Variants in ZFAT observed in about 807,000 individuals in gnomAD.
ZFAT encodes the protein zinc finger and AT-hook domain containing, also known as zinc finger protein ZFAT.
Under a neutral mutation model 117.7 loss-of-function variants are expected in ZFAT, and 64 were observed. The observed-to-expected ratio is 0.54, with a 90% CI of 0.44 to 0.67. The LOEUF is 0.67. Ranked by LOEUF, ZFAT falls within the 30% of genes least tolerant of loss-of-function variation. The pLI, the probability that ZFAT is intolerant of heterozygous loss-of-function variation, is 0.00. For missense variants in ZFAT, 1,433 were observed against 1,584.5 expected, an observed-to-expected ratio of 0.90 and a Z score of 1.62; for synonymous variants, 679 against 615.0, an observed-to-expected ratio of 1.10 and a Z score of -1.54.
chr8:134,727,305 T>C, the ZFAT span, among the ~76,000 whole-genome samples: 1 of 152,036 alleles, frequency 6.6e-6, no homozygotes, highest in Non-Finnish European at 1.5e-5. Flanking sequence ...GAGAGAAAAG[T>C]GATCTAGATG....
At chr8:134,516,942 A>G (rs1820294762) in intron 13 of ZFAT, among the ~76,000 whole-genome samples, 2 of 152,234 alleles carry the variant, frequency 1.3e-5, no homozygotes, top group South Asian at 2.1e-4. Flanking sequence ...TTGATTCTCT[A>G]ACATTCTACA....
intron 3 of ZFAT, among the ~76,000 whole-genome samples, chr8:134,634,509 C>T (rs1830088273): frequency 8.1e-6 from 1 of 122,824 alleles, no homozygotes; most frequent in South Asian, 2.7e-4. Flanking sequence ...TATTAACACA[C>T]TTTCCAACCC....
At chr8:134,665,839 C>T (rs1357712192) in intron 1 of ZFAT, among the ~76,000 whole-genome samples, 2 of 152,156 alleles carry the variant, frequency 1.3e-5, no homozygotes, top group South Asian at 2.1e-4. Context: ...AGCCCTGTGC[C>T]CCTCCATACC....
the ZFAT span, chr8:134,796,814 C>A: frequency 6.6e-6 from 1 of 152,116 alleles, no homozygotes; most frequent in Non-Finnish European, 1.5e-5. Context: ...TATATGTATG[C>A]AAGCATGTAT....
intron 10 of ZFAT, among the ~76,000 whole-genome samples, chr8:134,582,938 G>C (rs1030071202): frequency 6.6e-6 from 1 of 152,156 alleles, no homozygotes; most frequent in Non-Finnish European, 1.5e-5. Context: ...CATTTATAAA[G>C]TTTATTAATC....
chr8:134,725,891 C>T, the ZFAT span, among the ~76,000 whole-genome samples: 249 of 152,256 alleles, frequency 1.6e-3, no homozygotes, highest in African/African-American at 5.6e-3. Flanking sequence ...CAGTAATTAC[C>T]GTGTGGCGGT....
chr8:134,776,277 G>C, the ZFAT span, among the ~76,000 whole-genome samples: 1 of 152,088 alleles, frequency 6.6e-6, no homozygotes, highest in African/African-American at 2.4e-5. Context: ...TATTTTACTT[G>C]CTCATTTTCA....
At chr8:134,732,272 C>T in the ZFAT span, among the ~76,000 whole-genome samples, 2 of 152,186 alleles carry the variant, frequency 1.3e-5, no homozygotes, top group Non-Finnish European at 2.9e-5. Context: ...GCCCGCTCTG[C>T]AGGTTTTTTA....
the ZFAT span, chr8:134,785,366 T>C: frequency 6.6e-6 from 1 of 152,144 alleles, no homozygotes; most frequent in Admixed American, 6.6e-5. Flanking sequence ...GTTTCTAGTT[T>C]TAATATAGTC....
intron 12 of ZFAT, among the ~76,000 whole-genome samples, chr8:134,531,706 G>T (rs1020736987): frequency 6.6e-6 from 1 of 152,122 alleles, no homozygotes; most frequent in Admixed American, 6.5e-5. Flanking sequence ...GAAAACGAAG[G>T]CACATGCTCG....
At chr8:134,728,561 G>A in the ZFAT span, among the ~76,000 whole-genome samples, 1 of 152,182 alleles carries the variant, frequency 6.6e-6, no homozygotes, top group African/African-American at 2.4e-5. Flanking sequence ...GAGGGTGTGA[G>A]CATGCTGGGC....
the ZFAT span, among the ~76,000 whole-genome samples, chr8:134,783,310 G>A: frequency 2.6e-5 from 4 of 152,164 alleles, no homozygotes; most frequent in Admixed American, 1.3e-4. Flanking sequence ...AGCACAGCAG[G>A]TGACTGATGG....
At chr8:134,501,031 A>G (rs754718947) in intron 15 of ZFAT, among the ~76,000 whole-genome samples, 5 of 152,230 alleles carry the variant, frequency 3.3e-5, no homozygotes, top group Non-Finnish European at 5.9e-5. Context: ...GTGCAGCTGA[A>G]AAGTGGTTGT....
At chr8:134,541,546 A>G (rs1047132966) in intron 11 of ZFAT, among the ~76,000 whole-genome samples, 23 of 152,220 alleles carry the variant, frequency 1.5e-4, no homozygotes, top group Admixed American at 1.2e-3. Context: ...TAAGCAACAG[A>G]AAATGGACTA....
chr8:134,562,767 T>A (rs1440006038), intron 11 of ZFAT, among the ~76,000 whole-genome samples: 1 of 152,124 alleles, frequency 6.6e-6, no homozygotes, highest in African/African-American at 2.4e-5. Context: ...CATATGTGAG[T>A]GATTCCTTAA....
intron 6 of ZFAT, among the ~76,000 whole-genome samples, 156 bp downstream of exon 6, chr8:134,601,304 CAAGACTCCAAGCGCTAA>C (rs1827432732): frequency 6.6e-6 from 1 of 152,214 alleles, no homozygotes. Context: ...GCCACCTCCA[CAAGACTCCAAGCGCTAA>C]CGGCCACACA....
chr8:134,483,047 G>A (rs1412204952), intron 15 of ZFAT, among the ~76,000 whole-genome samples: 2 of 152,182 alleles, frequency 1.3e-5, no homozygotes, highest in Non-Finnish European at 2.9e-5. Flanking sequence ...TTTACAGAAG[G>A]GGTTCATAGG....
chr8:134,586,792 C>T (rs1254576248), intron 9 of ZFAT, among the ~76,000 whole-genome samples: 1 of 152,224 alleles, frequency 6.6e-6, no homozygotes, highest in Non-Finnish European at 1.5e-5. Context: ...CAAGTCAGTT[C>T]AGAAGAGAAG....
intron 11 of ZFAT, among the ~76,000 whole-genome samples, chr8:134,546,807 G>A (rs1822733246): frequency 6.6e-6 from 1 of 152,196 alleles, no homozygotes; most frequent in Non-Finnish European, 1.5e-5. Flanking sequence ...TTATTGCAAG[G>A]ACTGGAGCTA....
Sources: gnomAD v4.1 joint callset for allele counts (sites outside exome capture counted in the v4.1 genomes callset) on GRCh38, gnomAD v4.1.1 for gene constraint, MANE v1.5 for transcripts, NCBI Gene and HGNC (gene_info 2026-07-23, HGNC 2026-07-21) for gene names.